Variants in KRT19 observed in about 807,000 individuals in gnomAD.
KRT19 encodes keratin 19.
KRT19 carries 21 observed loss-of-function variants against 34.6 expected under a neutral mutation model. The ratio of observed to expected loss-of-function variants is 0.61; its 90% CI spans 0.43 to 0.87. The LOEUF is 0.87. Ranked by LOEUF, KRT19 falls within the 40% of genes least tolerant of loss-of-function variation. The probability of loss-of-function intolerance (pLI) is 0.00; values close to 1 mark genes in which losing one functional copy is unlikely to be tolerated. For synonymous variants in KRT19, 240 were observed against 245.8 expected (o/e 0.98, Z 0.22); for missense variants, 514 against 545.7 (o/e 0.94, Z 0.58).
chr17:41,527,247 G>A (rs1481502424), intron 1 of KRT19, among the ~76,000 whole-genome samples: 2 of 152,174 alleles, frequency 1.3e-5, no homozygotes, highest in African/African-American at 2.4e-5. Context: ...CCCCGCCCAG[G>A]GGCCACGACC....
At position 41,525,008 on chromosome 17, in the gene KRT19, G is replaced by C. The variant is rs1905811916; in HGVS notation, c.504-9C>G. ...CCTGTTCCGTCTCAAACCTTTCAAA[G>C]GAAATAGTTGCAGCCAGGCAGAGCT... On this transcript the variant is annotated splice_polypyrimidine_tract_variant and intron_variant, in intron 2 of 5. Transcript: ENST00000361566. 1 of 1,611,672 alleles carries C rather than the reference G, an allele frequency of 6.2e-7. No homozygotes were observed. Among genetic ancestry groups the C allele is most frequent in the East Asian group, 2.2e-5 (1 of 44,838 alleles).
chr17:41,525,301 C>A, intron 1 of KRT19, 28 bp from the exon 2 acceptor site: 2 of 1,491,216 alleles, frequency 1.3e-6, no homozygotes, highest in Non-Finnish European at 1.9e-6. Context: ...AGGTTGGTAC[C>A]AGTTCAACAC....
chr17:41,523,765 A>C lies in KRT19; in HGVS notation c.1181T>G (p.Leu394Trp). 6.2e-7 allele frequency: 1 copy of C among 1,613,866 alleles called. No individual in the cohort carries two copies. The highest frequency in any genetic ancestry group is 8.5e-7 in the Non-Finnish European group (1 of 1,179,894). Residue 394 changes from leucine to tryptophan, a missense_variant, in exon 6 of 6, where the codon TTG becomes TGG. By Grantham distance (61) the Leu-to-Trp change is moderately conservative (BLOSUM62 -2). Coordinates refer to ENST00000361566, the MANE Select transcript of KRT19 (RefSeq NM_002276.5). ...LEGQEDHYNN[L>W]SASKVL ...GCCTCAGAGGACCTTGGAGGCAGACAAATTGTTGTAGTGATCTTCCTGTCC... is the reference window on the plus strand; with the variant it reads ...GCCTCAGAGGACCTTGGAGGCAGACCAATTGTTGTAGTGATCTTCCTGTCC...
chr17:41,527,784 C>T (rs1319381342), intron 1 of KRT19, 44 bp downstream of exon 1: 3 of 1,515,486 alleles, frequency 2.0e-6, no homozygotes, highest in Non-Finnish European at 2.6e-6. Flanking sequence ...GCTGGGTTTC[C>T]GCGGCAGGTG....
rs376409502 is a variant in KRT19 at position 41,524,463 on chromosome 17, G to A, written c.738C>T (p.Ala246=). The A allele has an allele frequency of 1.9e-6, 3 of 1,614,160 alleles. No homozygotes were observed. In the Admixed American group the frequency reaches 5.0e-5, roughly 27 times the overall value. ...EVDSAPGTDL[A]KILSDMRSQY... ...GGCTTCGCATGTCACTCAGGATCTT[G>A]GCGAGATCGGTGCCCGGAGCGGAAT... The change falls in exon 4 of 6, where the codon GCC becomes GCT. Residue 246 remains alanine (A), a synonymous_variant. Coordinates refer to ENST00000361566, the MANE Select transcript of KRT19 (RefSeq NM_002276.5).
At position 41,528,150 on chromosome 17, in the gene KRT19, G is replaced by C; in HGVS notation, c.98C>G (p.Ala33Gly). ...GCCGGAGCCCCCGTGAATGCTGGGC[G>C]CGCGAAAGGCGACCCCCGGCCCAAA... ...VRFGPGVAFR[A>G]PSIHGGSGGR... The change falls in exon 1 of 6, where the codon GCG (alanine) becomes GGG (glycine). Residue 33 changes from alanine (A) to glycine (G), a missense_variant. Ala to Gly is a moderately conservative substitution (Grantham distance 60). Coordinates refer to ENST00000361566, the MANE Select transcript of KRT19 (RefSeq NM_002276.5). 6.3e-7 allele frequency: 1 copy of C among 1,598,604 alleles called. No homozygotes were observed. The highest frequency in any genetic ancestry group is 1.1e-5 in the South Asian group (1 of 90,380).
At position 41,528,080 on chromosome 17, in the gene KRT19, G is replaced by A. The variant is rs1375429358; in HGVS notation, c.168C>T (p.Ser56=). ...AGCCGCCGCCGTAGGCCCCCGAGGAGGACGAGGACACAAAGCGGGCGGAGG... is the reference window on the plus strand; with the variant it reads ...AGCCGCCGCCGTAGGCCCCCGAGGAAGACGAGGACACAAAGCGGGCGGAGG... ...SVSSARFVSS[S]SSGAYGGGYG... The change falls in exon 1 of 6, where the codon TCC becomes TCT. Residue 56 remains serine (S), a synonymous_variant. Transcript: ENST00000361566. The A allele has an allele frequency of 6.2e-7, 1 of 1,610,118 alleles. No individual in the cohort carries two copies. The highest frequency in any genetic ancestry group is 1.3e-5 in the African/African-American group (1 of 74,850).
chr17:41,527,549 G>A (rs1029017080), intron 1 of KRT19, among the ~76,000 whole-genome samples: 2 of 152,138 alleles, frequency 1.3e-5, no homozygotes, highest in African/African-American at 4.8e-5. Context: ...TCCCTTCTTC[G>A]TCCCGGGGCT....
Position 41,527,822 on chromosome 17 carries a change from G to A in KRT19, c.420+6C>T. On this transcript the variant is annotated splice_donor_region_variant and intron_variant, in intron 1 of 5. Transcript: ENST00000361566. ...CTGCACTTCCCGCGGCCGGGCCTCC[G>A]CCCACCTTGTCCCGCAGGTCCTGGA... 1 of 1,569,308 alleles carries A rather than the reference G, an allele frequency of 6.4e-7. No homozygotes were observed. The highest frequency in any genetic ancestry group is 2.3e-5 in the East Asian group (1 of 43,942).
intron 1 of KRT19, 145 bp from the exon 2 acceptor site, chr17:41,525,418 C>T: frequency 2.9e-6 from 2 of 689,070 alleles, no homozygotes; most frequent in Non-Finnish European, 5.3e-6. Context: ...CGCCCATTGG[C>T]CCGCTCTCTG....
In KRT19 at chr17:41,525,178, CAG is replaced by C. The variant is rs765515327; in HGVS notation, c.503+11_503+12del. The stretch of plus-strand genomic sequence containing the variant: ...GTCCTGGCTTCTGCAGCCCCCAGGA[CAG>C]AGACACTCACTTGGTTCGGAAGTCA... On this transcript the variant is annotated intron_variant, in intron 2 of 5. Coordinates refer to ENST00000361566, the MANE Select transcript of KRT19 (RefSeq NM_002276.5). 21 of 1,608,500 alleles carry C rather than the reference CAG, an allele frequency of 1.3e-5. No individual in the cohort carries two copies. In the South Asian group the frequency reaches 2.3e-4, roughly 18 times the overall value.
Position 41,523,658 on chromosome 17 carries a change from G to T in KRT19, c.*85C>A. The T allele has an allele frequency of 7.2e-7, 1 of 1,381,704 alleles. No individual in the cohort carries two copies. The highest frequency in any genetic ancestry group is 1.0e-6 in the Non-Finnish European group (1 of 998,022). 85.6% of individuals were successfully genotyped at this position (1,381,704 alleles called of 1,614,324 possible). Reference sequence around the variant, plus strand: ...TTTTTATTGGCAGGTCAGGAGAAGAGCCGGGGGTAAGGGTCCCTTCCTTCC... The same window carrying T: ...TTTTTATTGGCAGGTCAGGAGAAGATCCGGGGGTAAGGGTCCCTTCCTTCC... On this transcript the variant is annotated 3_prime_UTR_variant, in exon 6 of 6. Coordinates refer to ENST00000361566, the MANE Select transcript of KRT19 (RefSeq NM_002276.5).
At chr17:41,525,295 T>C (rs1386505641) in intron 1 of KRT19, 22 bp from the exon 2 acceptor site, 2 of 1,572,316 alleles carry the variant, frequency 1.3e-6, no homozygotes, top group Non-Finnish European at 1.8e-6. Flanking sequence ...AGGCAGAGGT[T>C]GGTACCAGTT....
Position 41,523,662 on chromosome 17 carries a change from G to T in KRT19, c.*81C>A. On this transcript the variant is annotated 3_prime_UTR_variant, in exon 6 of 6. Coordinates refer to ENST00000361566, the MANE Select transcript of KRT19 (RefSeq NM_002276.5). The stretch of plus-strand genomic sequence containing the variant: ...TATTGGCAGGTCAGGAGAAGAGCCG[G>T]GGGTAAGGGTCCCTTCCTTCCCATC... 1 of 1,400,404 alleles carries T rather than the reference G, an allele frequency of 7.1e-7. No individual in the cohort carries two copies. Among genetic ancestry groups the T allele is most frequent in the Non-Finnish European group, 9.9e-7 (1 of 1,011,286 alleles). 86.7% of individuals were successfully genotyped at this position (1,400,404 alleles called of 1,614,324 possible).
Position 41,524,010 on chromosome 17 carries a change from A to C in KRT19, c.949-13T>G. 1 of 1,607,854 alleles carries C rather than the reference A, an allele frequency of 6.2e-7. No individual in the cohort carries two copies. Among genetic ancestry groups the C allele is most frequent in the Non-Finnish European group, 8.5e-7 (1 of 1,175,240 alleles). On this transcript the variant is annotated splice_polypyrimidine_tract_variant and intron_variant, in intron 5 of 5. Coordinates refer to ENST00000361566, the MANE Select transcript of KRT19 (RefSeq NM_002276.5). ...CCAAGGCAGCTTTCTGAGGATAGGG[A>C]GAGGGGGTTGTGACTCAGCAGAGCC...
rs571142446 is a variant in KRT19, at chr17:41,524,016, G to A, written c.949-19C>T. Reference sequence around the variant, plus strand: ...CAGCTTTCTGAGGATAGGGAGAGGGGGTTGTGACTCAGCAGAGCCTGGTTC... The same window carrying A: ...CAGCTTTCTGAGGATAGGGAGAGGGAGTTGTGACTCAGCAGAGCCTGGTTC... On this transcript the variant is annotated intron_variant, in intron 5 of 5. Transcript: ENST00000361566. 10 of 1,606,094 alleles carry A rather than the reference G, an allele frequency of 6.2e-6. No homozygotes were observed. In the Admixed American group the frequency reaches 1.2e-4, roughly 19 times the overall value.
At chr17:41,524,321 G>A in intron 4 of KRT19, 53 bp from the exon 5 acceptor site, 2 of 1,611,534 alleles carry the variant, frequency 1.2e-6, no homozygotes, top group South Asian at 2.2e-5. Flanking sequence ...CTTCGCGTAG[G>A]GAACACAAAG....
In KRT19 at chr17:41,523,919, T is replaced by A; in HGVS notation, c.1027A>T (p.Ser343Cys). The change falls in exon 6 of 6, where the codon AGC becomes TGC. Residue 343 changes from serine to cysteine, a missense_variant. By Grantham distance (112) the Ser-to-Cys change is moderately radical. Transcript: ENST00000361566. ...AQLAHIQALI[S>C]GIEAQLGDVR... is the part of the protein sequence containing the mutation. ...TCGCCCAGCTGGGCTTCAATACCGC[T>A]GATCAGCGCCTGGATATGCGCCAGC... 6.2e-7 allele frequency: 1 copy of A among 1,614,066 alleles called. No homozygotes were observed. Among genetic ancestry groups the A allele is most frequent in the East Asian group, 2.2e-5 (1 of 44,888 alleles).
chr17:41,524,209 G>A lies in KRT19; in HGVS notation c.882C>T (p.Ser294=), dbSNP rs117356140. 71 of 1,613,970 alleles carry A rather than the reference G, an allele frequency of 4.4e-5. No individual in the cohort carries two copies. Among genetic ancestry groups the A allele is most frequent in the Non-Finnish European group, 5.6e-5 (66 of 1,180,012 alleles). The change falls in exon 5 of 6, where the codon TCC becomes TCT. Residue 294 remains serine (S), a synonymous_variant. Coordinates refer to ENST00000361566, the MANE Select transcript of KRT19 (RefSeq NM_002276.5). ...GHTEQLQMSR[S]EVTDLRRTLQ... ...GGGTGCGCCGCAGGTCAGTAACCTC[G>A]GACCTGCTCATCTGGAGCTGCTCCG...
Sources: gnomAD v4.1 joint callset for allele counts (sites outside exome capture counted in the v4.1 genomes callset) on GRCh38, gnomAD v4.1.1 for gene constraint, MANE v1.5 for transcripts, NCBI Gene and HGNC (gene_info 2026-07-23, HGNC 2026-07-21) for gene names.